The following AOPEP variants were observed in gnomAD, a reference collection of about 807,000 sequenced individuals.
The protein encoded by AOPEP is aminopeptidase O.
In AOPEP, 77 loss-of-function variants were observed where a neutral mutation model predicts 98.1. The ratio of observed to expected loss-of-function variants is 0.78; its 90% confidence interval spans 0.65 to 0.95. The LOEUF (loss-of-function observed/expected upper bound fraction) is 0.95. Among genes scored for constraint, AOPEP ranks in the 40% least tolerant of loss-of-function variants. AOPEP has a pLI of 0.00. For synonymous variants in AOPEP, 346 were observed against 365.3 expected (o/e 0.95, Z 0.60); for missense variants, 1,024 against 1,024.7 (o/e 1.00, Z 0.01).
chr9:94,739,095 TCTC>T (rs1832474714), intron 1 of AOPEP, among the ~76,000 whole-genome samples: 1 of 152,124 alleles, frequency 6.6e-6, no homozygotes, highest in Non-Finnish European at 1.5e-5. Context: ...TTCTAACTGC[TCTC>T]CTCCTGAAGG....
chr9:94,916,242 G>A (rs189925838), intron 5 of AOPEP, among the ~76,000 whole-genome samples: 19 of 152,262 alleles, frequency 1.2e-4, no homozygotes, highest in African/African-American at 4.3e-4. Context: ...GGACGGAGGT[G>A]GGGGCCGTGG....
intron 9 of AOPEP, 45 bp downstream of exon 9, chr9:94,956,060 G>T (rs1181993594): frequency 2.7e-6 from 3 of 1,123,286 alleles, no homozygotes; most frequent in Admixed American, 1.8e-5. Flanking sequence ...GACTGGAGGG[G>T]GTATGGCACA....
At chr9:94,767,388 C>T (rs118085155) in intron 2 of AOPEP, among the ~76,000 whole-genome samples, 1,971 of 152,250 alleles carry the variant, frequency 0.013, 26 homozygotes, top group Non-Finnish European at 0.018. Flanking sequence ...ACCAACATAA[C>T]CAACCGAATG....
intron 1 of AOPEP, among the ~76,000 whole-genome samples, chr9:94,735,049 G>A (rs779280221): frequency 3.3e-5 from 5 of 152,058 alleles, no homozygotes; most frequent in African/African-American, 1.2e-4. Flanking sequence ...TTCCTTGATT[G>A]TATTAATATT....
In AOPEP at chr9:95,082,629, C is replaced by T; in HGVS notation, c.2374C>T (p.Gln792Ter). The T allele has an allele frequency of 1.2e-6, 2 of 1,614,238 alleles. No individual in the cohort carries two copies. Among genetic ancestry groups the T allele is most frequent in the Non-Finnish European group, 1.7e-6 (2 of 1,180,054 alleles). ...GATGGTGAGTGAGGACGCCAGACAG[C>T]AGCAGCTCGCCCGTAGGTGCTTCGA... The part of the protein sequence containing the change: ...ELMVSEDARQ[Q>*]QLARRCFERT... The change falls in exon 16 of 17, where the codon CAG becomes TAG. Residue 792 changes from glutamine (Q) to a stop codon, truncating the protein, a stop_gained. Coordinates refer to ENST00000375315, the MANE Select transcript of AOPEP (RefSeq NM_001193329.3). LOFTEE classifies it high-confidence loss of function.
At chr9:94,865,428 A>G (rs2045597848) in intron 5 of AOPEP, among the ~76,000 whole-genome samples, 2 of 152,194 alleles carry the variant, frequency 1.3e-5, no homozygotes, top group African/African-American at 4.8e-5. Context: ...TTCACTTCAA[A>G]CGAACTGATT....
chr9:95,002,834 T>C (rs1433258880), intron 11 of AOPEP, among the ~76,000 whole-genome samples: 1 of 152,158 alleles, frequency 6.6e-6, no homozygotes, highest in Non-Finnish European at 1.5e-5. Flanking sequence ...GACGTACCAT[T>C]CTGGCTTCTC....
chr9:95,016,655 C>G (rs1000685335), intron 13 of AOPEP, among the ~76,000 whole-genome samples: 2 of 151,920 alleles, frequency 1.3e-5, no homozygotes, highest in Non-Finnish European at 2.9e-5. Flanking sequence ...TTCTGTCACC[C>G]AGGCTTAAGT....
chr9:94,986,204 A>G (rs1225612912), intron 11 of AOPEP, among the ~76,000 whole-genome samples: 2 of 152,042 alleles, frequency 1.3e-5, no homozygotes, highest in Admixed American at 6.6e-5. Flanking sequence ...TCATGTCCTC[A>G]TGTAGTCTTT....
chr9:95,062,646 A>G (rs1476773680), intron 14 of AOPEP, among the ~76,000 whole-genome samples: 1 of 152,074 alleles, frequency 6.6e-6, no homozygotes, highest in African/African-American at 2.4e-5. Context: ...CATTCTTTCT[A>G]TGTGTGGTGC....
chr9:94,785,806 A>T (rs1844307233), intron 3 of AOPEP, among the ~76,000 whole-genome samples: 3 of 152,222 alleles, frequency 2.0e-5, no homozygotes, highest in Admixed American at 1.3e-4. Context: ...CAAAAGGAAA[A>T]TGAAGGCATT....
the AOPEP span, chr9:95,127,254 C>T: frequency 6.6e-6 from 1 of 152,664 alleles, no homozygotes; most frequent in Non-Finnish European, 1.5e-5. Flanking sequence ...TTCACTGGCC[C>T]AGTCCCTGGT....
rs3992777 is a variant in AOPEP, at chr9:94,962,730, CT to C, written c.1873-5008del. 4.0e-3 allele frequency among the ~76,000 whole-genome samples: 520 copies of C among 129,720 alleles called. 4 individuals are homozygous for C. The highest frequency in any genetic ancestry group is 0.013 in the African/African-American group (409 of 32,212). The allele number at this position is 129,720 out of a possible 152,430, so 85.1% of individuals were successfully genotyped here. On this transcript the variant is annotated intron_variant, in intron 9 of 16. Coordinates refer to ENST00000375315, the MANE Select transcript of AOPEP (RefSeq NM_001193329.3). Reference sequence around the variant, plus strand: ...CTGTCCAGCATTTCAATATTATCATCTTTTTTTTTTTTTTTTTTTTGAGACG... The same window carrying C: ...CTGTCCAGCATTTCAATATTATCATCTTTTTTTTTTTTTTTTTTTGAGACG...
chr9:95,095,333 G>A, the AOPEP span, among the ~76,000 whole-genome samples: 1 of 152,188 alleles, frequency 6.6e-6, no homozygotes, highest in African/African-American at 2.4e-5. Context: ...TGTTTCCCAA[G>A]CTGCCGTGGA....
At chr9:94,982,168 T>C (rs1336891576) in intron 11 of AOPEP, among the ~76,000 whole-genome samples, 1 of 152,210 alleles carries the variant, frequency 6.6e-6, no homozygotes, top group Non-Finnish European at 1.5e-5. Flanking sequence ...CACATTTACT[T>C]TGGGATATAA....
intron 5 of AOPEP, among the ~76,000 whole-genome samples, chr9:94,862,530 G>A (rs1484547630): frequency 1.3e-5 from 2 of 152,174 alleles, no homozygotes; most frequent in Non-Finnish European, 2.9e-5. Context: ...GTTCATTACT[G>A]AAACAGCGGT....
At chr9:94,901,252 G>GTT (rs771326220) in intron 5 of AOPEP, among the ~76,000 whole-genome samples, 2 of 152,148 alleles carry the variant, frequency 1.3e-5, no homozygotes, top group Non-Finnish European at 2.9e-5. Flanking sequence ...TGGCCAAAAA[G>GTT]TATAGAGTAT....
chr9:94,844,682 CAT>C (rs1369434369), intron 5 of AOPEP, among the ~76,000 whole-genome samples: 2 of 152,202 alleles, frequency 1.3e-5, no homozygotes, highest in Admixed American at 1.3e-4. Flanking sequence ...TCCACAGACA[CAT>C]ATCGAATAGC....
intron 5 of AOPEP, among the ~76,000 whole-genome samples, chr9:94,874,088 TATTGA>T (rs1048881349): frequency 2.6e-5 from 4 of 152,206 alleles, no homozygotes; most frequent in Non-Finnish European, 2.9e-5. Flanking sequence ...TTCACTTTAA[TATTGA>T]ATTGAAAAAA....
Sources: allele counts gnomAD v4.1 joint callset (sites outside exome capture counted in the v4.1 genomes callset), GRCh38; gene constraint gnomAD v4.1.1; transcripts MANE v1.5; gene names NCBI Gene and HGNC (gene_info 2026-07-23, HGNC 2026-07-21).